MPZL1: variants seen among roughly 807,000 people sequenced by gnomAD.
MPZL1 encodes myelin protein zero-like protein 1.
In MPZL1, 16 loss-of-function variants were observed where a neutral mutation model predicts 29.3. The ratio of observed to expected loss-of-function variants is 0.55; its 90% CI spans 0.37 to 0.83. The LOEUF is 0.83. Among genes scored for constraint, MPZL1 ranks in the 40% least tolerant of loss-of-function variants. MPZL1 has a pLI of 0.00. For missense variants in MPZL1, 279 were observed against 332.9 expected (o/e 0.84, Z 1.26); for synonymous variants, 143 against 132.0 (o/e 1.08, Z -0.57).
intron 1 of MPZL1, among the ~76,000 whole-genome samples, chr1:167,744,099 C>G (rs538343421): frequency 1.4e-4 from 21 of 152,132 alleles, no homozygotes; most frequent in African/African-American, 4.6e-4. Flanking sequence ...ATTCTAAGCC[C>G]TTTACAAATA....
chr1:167,731,074 G>A (rs1349466427), intron 1 of MPZL1, among the ~76,000 whole-genome samples: 1 of 152,152 alleles, frequency 6.6e-6, no homozygotes, highest in Admixed American at 6.5e-5. Context: ...TAATGAAATT[G>A]GTGAATGGAT....
chr1:167,763,086 G>A lies in MPZL1; in HGVS notation c.92-2497G>A, dbSNP rs547970105. ...TAAATAGATGCCTAAAAGCCATTTG[G>A]GAATTTGGTTAGTCTTTTTGCTCAA... On this transcript the variant is annotated intron_variant, in intron 1 of 5. Coordinates refer to ENST00000359523, the MANE Select transcript of MPZL1 (RefSeq NM_003953.6). Among the ~76,000 whole-genome samples, 7 of 152,242 alleles carry A rather than the reference G, an allele frequency of 4.6e-5. No individual in the cohort carries two copies. The East Asian group carries it at 1.2e-3, about 25-fold the overall frequency.
In MPZL1 at chr1:167,755,839, G is replaced by A. The variant is rs370068001; in HGVS notation, c.92-9744G>A. Among the ~76,000 whole-genome samples, 6 of 152,276 alleles carry A rather than the reference G, an allele frequency of 3.9e-5. No homozygotes were observed. In the East Asian group the frequency reaches 1.2e-3, roughly 29 times the overall value. ...CACTAGGCTGTCCAGTACATTTAGA[G>A]GCTGAGTCTCAGTGTGTGTTTGAAA... On this transcript the variant is annotated intron_variant, in intron 1 of 5. Transcript: ENST00000359523.
intron 1 of MPZL1, among the ~76,000 whole-genome samples, chr1:167,739,149 G>A (rs935854844): frequency 4.6e-5 from 7 of 151,476 alleles, no homozygotes; most frequent in Non-Finnish European, 1.0e-4. Flanking sequence ...CACCATGTTA[G>A]TCAACCTGGT....
chr1:167,756,545 T>A (rs1429664231), intron 1 of MPZL1, among the ~76,000 whole-genome samples: 2 of 149,252 alleles, frequency 1.3e-5, no homozygotes, highest in Non-Finnish European at 3.0e-5. Context: ...CTAAGCATCC[T>A]CCAAGGTAGT....
chr1:167,764,855 G>A (rs532227558), intron 1 of MPZL1, among the ~76,000 whole-genome samples: 89 of 152,276 alleles, frequency 5.8e-4, no homozygotes, highest in Non-Finnish European at 1.1e-3. Flanking sequence ...AGAAAGTTAA[G>A]TGCATATTAC....
At chr1:167,786,732 G>A (rs77286206) in intron 5 of MPZL1, among the ~76,000 whole-genome samples, 2,409 of 152,280 alleles carry the variant, frequency 0.016, 33 homozygotes, top group South Asian at 0.061. Context: ...CCTGGATGAG[G>A]GTAAGTGTGT....
chr1:167,776,214 G>C (rs772490146), intron 5 of MPZL1, 48 bp downstream of exon 5: 2 of 1,392,654 alleles, frequency 1.4e-6, no homozygotes, highest in Non-Finnish European at 2.0e-6. Flanking sequence ...CCTACAGCTT[G>C]GTGCTCTGTC....
chr1:167,741,985 A>G (rs1660538714), intron 1 of MPZL1, among the ~76,000 whole-genome samples: 1 of 151,978 alleles, frequency 6.6e-6, no homozygotes, highest in Non-Finnish European at 1.5e-5. Flanking sequence ...GTGAGCCATG[A>G]TCATGCCACT....
intron 5 of MPZL1, among the ~76,000 whole-genome samples, chr1:167,779,517 G>A (rs546718427): frequency 1.3e-5 from 2 of 151,580 alleles, no homozygotes; most frequent in South Asian, 2.1e-4. Flanking sequence ...CCACAGAAGC[G>A]GACATTGCAG....
chr1:167,778,455 T>A (rs554634441), intron 5 of MPZL1, among the ~76,000 whole-genome samples: 1 of 151,744 alleles, frequency 6.6e-6, no homozygotes, highest in Admixed American at 6.6e-5. Flanking sequence ...CCCAAGAGTG[T>A]AAGACCAGCC....
At chr1:167,787,700 AAG>A in intron 5 of MPZL1, 118 bp from the exon 6 acceptor site, 3 of 672,942 alleles carry the variant, frequency 4.5e-6, no homozygotes, top group Non-Finnish European at 7.9e-6. Context: ...GAAGACATTC[AAG>A]AGGGAAGTCT....
chr1:167,777,972 A>G (rs981678631), intron 5 of MPZL1, among the ~76,000 whole-genome samples: 1 of 152,226 alleles, frequency 6.6e-6, no homozygotes, highest in African/African-American at 2.4e-5. Flanking sequence ...GCTTTATGCT[A>G]CAACAAAATT....
In MPZL1 at chr1:167,743,750, A is replaced by G. The variant is rs112832683; in HGVS notation, c.91+21508A>G. 2.9e-3 allele frequency among the ~76,000 whole-genome samples: 443 copies of G among 152,162 alleles called. 5 individuals are homozygous for G. Among genetic ancestry groups the G allele is most frequent in the African/African-American group, 0.01 (422 of 41,566 alleles). On this transcript the variant is annotated intron_variant, in intron 1 of 5. Coordinates refer to ENST00000359523, the MANE Select transcript of MPZL1 (RefSeq NM_003953.6). ...ATAGAAGAGCTACTGATTTGTTTACATTAATTTTGCATCTGGAAACTGCTG... is the reference window on the plus strand; with the variant it reads ...ATAGAAGAGCTACTGATTTGTTTACGTTAATTTTGCATCTGGAAACTGCTG...
rs555169470 is a variant in MPZL1 at position 167,789,935 on chromosome 1, G to A, written c.*2014G>A. The A allele has an allele frequency of 6.6e-6, 1 of 152,082 alleles. No individual in the cohort carries two copies. Among genetic ancestry groups the A allele is most frequent in the Non-Finnish European group, 1.5e-5 (1 of 68,024 alleles). 9.4% of individuals were successfully genotyped at this position (152,082 alleles called of 1,614,324 possible). On this transcript the variant is annotated 3_prime_UTR_variant, in exon 6 of 6. Coordinates refer to ENST00000359523, the MANE Select transcript of MPZL1 (RefSeq NM_003953.6). ...AGGCCTCTTATGTTTGGAGGGGAAG[G>A]GTGTTGAGATTGTCACCATCCTTCA...
chr1:167,768,072 T>C (rs1255758944), intron 2 of MPZL1, among the ~76,000 whole-genome samples: 1 of 152,068 alleles, frequency 6.6e-6, no homozygotes, highest in Non-Finnish European at 1.5e-5. Context: ...CAGTAGCCCC[T>C]TGTTATTCTT....
At chr1:167,777,659 A>G (rs1249800807) in intron 5 of MPZL1, among the ~76,000 whole-genome samples, 1 of 152,222 alleles carries the variant, frequency 6.6e-6, no homozygotes. Context: ...ACAGAGTTGT[A>G]TACACATAGG....
At position 167,722,229 on chromosome 1, in the gene MPZL1, G is replaced by T; in HGVS notation, c.78G>T (p.Ala26=). ...GCTGGCTGTGGTCGGTGCTGGCGGC[G>T]GCGCTTGGGCTCTGTAAGTGATGCC... is the stretch of plus-strand genomic sequence containing the variant. ...SRRWLWSVLA[A]ALGLLTAGVS... The change falls in exon 1 of 6, where the codon GCG becomes GCT. Residue 26 remains alanine, a synonymous_variant. Coordinates refer to ENST00000359523, the MANE Select transcript of MPZL1 (RefSeq NM_003953.6). 1 of 1,239,326 alleles carries T rather than the reference G, an allele frequency of 8.1e-7. No individual in the cohort carries two copies. The allele number at this position is 1,239,326 out of a possible 1,614,324, so 76.8% of individuals were successfully genotyped here. A position where few individuals can be genotyped will look rare whatever the true frequency, so the allele number is the denominator to read the frequency against.
At chr1:167,757,975 C>A (rs900903787) in intron 1 of MPZL1, among the ~76,000 whole-genome samples, 10 of 151,942 alleles carry the variant, frequency 6.6e-5, no homozygotes, top group African/African-American at 2.4e-4. Context: ...CATGGTAAAA[C>A]CCTGTCTCTA....
Sources: gnomAD v4.1 joint callset for allele counts (sites outside exome capture counted in the v4.1 genomes callset) on GRCh38, gnomAD v4.1.1 for gene constraint, MANE v1.5 for transcripts, NCBI Gene and HGNC (gene_info 2026-07-23, HGNC 2026-07-21) for gene names.